The following ZNF37A variants were observed in gnomAD, a reference collection of about 807,000 sequenced individuals.
The protein encoded by ZNF37A is zinc finger protein 37a (KOX 21).
Under a neutral mutation model 12.3 loss-of-function variants are expected in ZNF37A, and 10 were observed. The observed-to-expected ratio is 0.82, with a 90% CI of 0.50 to 1.38. The LOEUF (loss-of-function observed/expected upper bound fraction) is 1.38, where lower values mean the gene tolerates loss of function less well. Ranked by LOEUF, ZNF37A falls within the 40% of genes most tolerant of loss-of-function variation. ZNF37A has a pLI of 0.00. For synonymous variants in ZNF37A, 207 were observed against 223.0 expected (o/e 0.93, Z 0.64); for missense variants, 580 against 651.2 (o/e 0.89, Z 1.19).
At chr10:38,103,511 C>T (rs1485456796) in intron 5 of ZNF37A, among the ~76,000 whole-genome samples, 5 of 151,978 alleles carry the variant, frequency 3.3e-5, no homozygotes, top group Non-Finnish European at 5.9e-5. Flanking sequence ...GATTTAAATT[C>T]TTTATCTAGT....
rs1308440203 is a variant in ZNF37A, at chr10:38,119,399, A to G, written c.*562A>G. ...AGGAAACTATAGGAAAGCATTTACT[A>G]TGAGGTTATATTTTATGGAGTATAT... is the stretch of plus-strand genomic sequence containing the variant. On this transcript the variant is annotated 3_prime_UTR_variant, in exon 8 of 8. Transcript: ENST00000685332. 2 of 990,026 alleles carry G rather than the reference A, an allele frequency of 2.0e-6. No individual in the cohort carries two copies. Among genetic ancestry groups the G allele is most frequent in the Non-Finnish European group, 2.4e-6 (2 of 830,664 alleles). The allele number at this position is 990,026 out of a possible 1,614,324, so 61.3% of individuals were successfully genotyped here. A position where few individuals can be genotyped will look rare whatever the true frequency, so the allele number is the denominator to read the frequency against.
rs977140758 is a variant in ZNF37A at position 38,119,376 on chromosome 10, G to A, written c.*539G>A. 2 of 994,464 alleles carry A rather than the reference G, an allele frequency of 2.0e-6. No homozygotes were observed. The highest frequency in any genetic ancestry group is 3.5e-5 in the African/African-American group (2 of 57,238). 61.6% of individuals were successfully genotyped at this position (994,464 alleles called of 1,614,324 possible). A position where few individuals can be genotyped will look rare whatever the true frequency, so the allele number is the denominator to read the frequency against. On this transcript the variant is annotated 3_prime_UTR_variant, in exon 8 of 8. Transcript: ENST00000685332. ...GCCAGAGAAAATGCACAAACTGTAG[G>A]AAACTATAGGAAAGCATTTACTATG...
chr10:38,102,565 TA>T (rs537762984), intron 5 of ZNF37A, among the ~76,000 whole-genome samples: 4 of 152,034 alleles, frequency 2.6e-5, no homozygotes, highest in African/African-American at 7.2e-5. Context: ...TTAAATCACA[TA>T]AAAAAAAGAG....
At chr10:38,103,747 T>C (rs2067788406) in intron 5 of ZNF37A, among the ~76,000 whole-genome samples, 1 of 152,236 alleles carries the variant, frequency 6.6e-6, no homozygotes, top group Non-Finnish European at 1.5e-5. Flanking sequence ...AAACTATTTT[T>C]GTAAAGTCAG....
intron 1 of ZNF37A, among the ~76,000 whole-genome samples, 153 bp from the exon 2 acceptor site, chr10:38,094,778 C>T (rs2504143): frequency 0.41 from 62,567 of 152,092 alleles, 13,073 homozygotes; most frequent in East Asian, 0.5. Context: ...GCTGTCCTCA[C>T]AACCACCTGT....
intron 7 of ZNF37A, among the ~76,000 whole-genome samples, chr10:38,146,195 G>A (rs1312910569): frequency 6.6e-6 from 1 of 152,164 alleles, no homozygotes; most frequent in Non-Finnish European, 1.5e-5. Flanking sequence ...ACCCAAGCAG[G>A]GAGAAGACAG....
At chr10:38,128,722 C>T (rs557588310), downstream of ZNF37A, among the ~76,000 whole-genome samples, 4 of 152,240 alleles carry the variant, frequency 2.6e-5, no homozygotes, top group African/African-American at 7.2e-5. Context: ...CCTGAGTTCA[C>T]GTCCAGTGGG....
exon 8 of ZNF37A, chr10:38,149,936 G>A (rs2070305982): frequency 6.6e-6 from 1 of 152,138 alleles, no homozygotes; most frequent in African/African-American, 2.4e-5. Flanking sequence ...AGTTCCACGG[G>A]GATAGAATTT....
intron 5 of ZNF37A, among the ~76,000 whole-genome samples, chr10:38,103,902 G>A (rs1186455547): frequency 6.6e-6 from 1 of 152,152 alleles, no homozygotes; most frequent in East Asian, 1.9e-4. Flanking sequence ...CTGTTTTAGG[G>A]CGCTCCTGTA....
intron 5 of ZNF37A, among the ~76,000 whole-genome samples, chr10:38,113,737 C>G (rs2069019217): frequency 6.6e-6 from 1 of 152,202 alleles, no homozygotes. Context: ...ATGCTGCTCT[C>G]CAGCAGTCTC....
downstream of ZNF37A, among the ~76,000 whole-genome samples, chr10:38,127,647 G>A (rs2069948033): frequency 6.6e-6 from 1 of 152,030 alleles, no homozygotes; most frequent in South Asian, 2.1e-4. Flanking sequence ...TCTGTCTCTG[G>A]TTCTCCACTC....
chr10:38,146,862 AG>A (rs1272662820), exon 8 of ZNF37A: 6 of 397,692 alleles, frequency 1.5e-5, no homozygotes, highest in Non-Finnish European at 2.7e-5. Flanking sequence ...TAAAGTGCAA[AG>A]TGGGAATCGG....
chr10:38,123,727 T>C lies in ZNF37A; in HGVS notation c.*4890T>C, dbSNP rs2069845215. The C allele has an allele frequency of 6.6e-6, 1 of 152,130 alleles. No individual in the cohort carries two copies. The highest frequency in any genetic ancestry group is 2.1e-4 in the South Asian group (1 of 4,822). The allele number at this position is 152,130 out of a possible 1,614,324, so 9.4% of individuals were successfully genotyped here. A position where few individuals can be genotyped will look rare whatever the true frequency, so the allele number is the denominator to read the frequency against. On this transcript the variant is annotated 3_prime_UTR_variant, in exon 8 of 8. Coordinates refer to ENST00000685332, the MANE Select transcript of ZNF37A (RefSeq NM_001324250.3). ...AAGACATACAAATGGCAAACAGGCA[T>C]ATGAAAAGGTACTCAACATCATTGA...
chr10:38,137,752 A>G (rs991808369), intron 7 of ZNF37A: 1 of 152,232 alleles, frequency 6.6e-6, no homozygotes, highest in African/African-American at 2.4e-5. Context: ...ACCATAATGT[A>G]CCAGCCAAGC....
At chr10:38,126,825 G>A (rs1264042040), downstream of ZNF37A, among the ~76,000 whole-genome samples, 6 of 151,490 alleles carry the variant, frequency 4.0e-5, no homozygotes, top group South Asian at 2.1e-4. Flanking sequence ...ACCCCAGGCC[G>A]AAGCTTTTTG....
chr10:38,127,472 A>G (rs1281645940), downstream of ZNF37A, among the ~76,000 whole-genome samples: 3 of 152,222 alleles, frequency 2.0e-5, no homozygotes, highest in Non-Finnish European at 4.4e-5. Flanking sequence ...TTGGCTTTAA[A>G]TGAAACCAGT....
chr10:38,106,722 T>C (rs2068127639), intron 5 of ZNF37A, among the ~76,000 whole-genome samples: 1 of 151,876 alleles, frequency 6.6e-6, no homozygotes, highest in Non-Finnish European at 1.5e-5. Context: ...TAAGTATCAA[T>C]AGCTGAATCA....
At chr10:38,112,368 C>G (rs1306672328) in intron 5 of ZNF37A, among the ~76,000 whole-genome samples, 1 of 152,064 alleles carries the variant, frequency 6.6e-6, no homozygotes. Context: ...TCTGAATTCC[C>G]TAACCCATGT....
intron 7 of ZNF37A, chr10:38,143,228 G>T (rs2070207907): frequency 6.6e-6 from 1 of 152,148 alleles, no homozygotes; most frequent in African/African-American, 2.4e-5. Flanking sequence ...GACAGAATTG[G>T]ATGGAAGCTG....
Sources: gnomAD v4.1 joint callset for allele counts (sites outside exome capture counted in the v4.1 genomes callset) on GRCh38, gnomAD v4.1.1 for gene constraint, MANE v1.5 for transcripts, NCBI Gene and HGNC (gene_info 2026-07-23, HGNC 2026-07-21) for gene names.